Variants in MAP1B observed in about 807,000 individuals in gnomAD.
The protein encoded by MAP1B is microtubule associated protein 1B, also known as microtubule-associated protein 1B.
Under a neutral mutation model 176.1 loss-of-function variants are expected in MAP1B, and 12 were observed. The observed-to-expected ratio is 0.07, with a 90% CI of 0.04 to 0.11. The LOEUF is 0.11. MAP1B is among the 10% of genes least tolerant of loss of function. MAP1B has a pLI of 1.00. For missense variants in MAP1B, 2,523 were observed against 2,990.5 expected, an observed-to-expected ratio of 0.84 and a Z score of 3.65; for synonymous variants, 1,044 against 1,135.0, an observed-to-expected ratio of 0.92 and a Z score of 1.61.
At chr5:72,142,416 G>T (rs1400545335) in intron 2 of MAP1B, among the ~76,000 whole-genome samples, 1 of 152,198 alleles carries the variant, frequency 6.6e-6, no homozygotes, top group Non-Finnish European at 1.5e-5. Flanking sequence ...CCGCTATGTG[G>T]TTTAACACAG....
At chr5:72,141,640 C>T (rs1374954269) in intron 2 of MAP1B, among the ~76,000 whole-genome samples, 3 of 152,038 alleles carry the variant, frequency 2.0e-5, no homozygotes, top group African/African-American at 7.2e-5. Context: ...TGGACAATGC[C>T]CTAGAATGAC....
At chr5:72,193,133 A>C (rs1379163590) in intron 4 of MAP1B, 1 of 216,436 alleles carries the variant, frequency 4.6e-6, no homozygotes. Context: ...GTATCTGCAG[A>C]GAATATGCTG....
intron 2 of MAP1B, among the ~76,000 whole-genome samples, chr5:72,154,616 T>A (rs189337982): frequency 2.0e-5 from 3 of 152,194 alleles, no homozygotes; most frequent in Admixed American, 6.5e-5. Flanking sequence ...CAAACACAGG[T>A]CCCCTACCAG....
At chr5:72,184,474 A>G (rs1332396860) in intron 3 of MAP1B, among the ~76,000 whole-genome samples, 1 of 152,240 alleles carries the variant, frequency 6.6e-6, no homozygotes, top group Non-Finnish European at 1.5e-5. Context: ...TAGAAGTGCC[A>G]AGTGCTTAGA....
At chr5:72,115,969 G>A in intron 2 of MAP1B, 170 bp downstream of exon 2, 1 of 550,454 alleles carries the variant, frequency 1.8e-6, no homozygotes, top group Non-Finnish European at 3.3e-6. Context: ...GTCACTCTAG[G>A]TTATCACTGT....
Position 72,197,771 on chromosome 5 carries a change from T to C in MAP1B, c.4416T>C (p.Phe1472=), listed in dbSNP as rs1747220699. 1.2e-6 allele frequency: 2 copies of C among 1,614,180 alleles called. No individual in the cohort carries two copies. The highest frequency in any genetic ancestry group is 1.7e-6 in the Non-Finnish European group (2 of 1,180,028). ...ACTTTGCACCAATAAAAGAAGACTT[T>C]GGCCAAGAAAAGAAAACTGATGATG... ...STDFAPIKED[F]GQEKKTDDVE... The change falls in exon 5 of 7, where the codon TTT becomes TTC. Residue 1472 remains phenylalanine, a synonymous_variant. Coordinates refer to ENST00000296755, the MANE Select transcript of MAP1B (RefSeq NM_005909.5).
chr5:72,188,263 G>A lies in MAP1B; in HGVS notation c.510+1509G>A, dbSNP rs558690327. ...ATGTCCCCATGTGCATGTTGTACCC[G>A]GAGGCAGGTGGGCATTTGTCTAGTA... On this transcript the variant is annotated intron_variant, in intron 4 of 6. Coordinates refer to ENST00000296755, the MANE Select transcript of MAP1B (RefSeq NM_005909.5). Among the ~76,000 whole-genome samples, 30 of 152,318 alleles carry A rather than the reference G, an allele frequency of 2.0e-4. No homozygotes were observed. In the East Asian group the frequency reaches 5.2e-3, roughly 26 times the overall value.
At chr5:72,168,405 T>C (rs1377825743) in intron 2 of MAP1B, among the ~76,000 whole-genome samples, 1 of 152,250 alleles carries the variant, frequency 6.6e-6, no homozygotes, top group African/African-American at 2.4e-5. Context: ...CAATTTATAC[T>C]ATTTTATTTA....
At chr5:72,125,123 A>G (rs1336710797) in intron 2 of MAP1B, among the ~76,000 whole-genome samples, 1 of 152,156 alleles carries the variant, frequency 6.6e-6, no homozygotes, top group Non-Finnish European at 1.5e-5. Context: ...CCTCTTTTTA[A>G]TGGAGCTCGA....
chr5:72,116,238 C>G (rs985511337), intron 2 of MAP1B, among the ~76,000 whole-genome samples: 2 of 152,090 alleles, frequency 1.3e-5, no homozygotes, highest in Non-Finnish European at 2.9e-5. Context: ...ATTGGATGCT[C>G]CTAGGATCCC....
chr5:72,129,636 T>C (rs1745693645), intron 2 of MAP1B, among the ~76,000 whole-genome samples: 1 of 152,150 alleles, frequency 6.6e-6, no homozygotes, highest in African/African-American at 2.4e-5. Context: ...TCCGTTGTTT[T>C]CTCTTTGGTA....
intron 2 of MAP1B, among the ~76,000 whole-genome samples, chr5:72,181,695 C>A (rs572718864): frequency 2.7e-5 from 4 of 150,372 alleles, no homozygotes; most frequent in Non-Finnish European, 5.9e-5. Context: ...GTAGCTGGGA[C>A]CACAGATGTG....
Position 72,197,922 on chromosome 5 carries a change from G to C in MAP1B, c.4567G>C (p.Glu1523Gln), listed in dbSNP as rs200032099. 6.2e-7 allele frequency: 1 copy of C among 1,614,228 alleles called. No individual in the cohort carries two copies. The highest frequency in any genetic ancestry group is 8.5e-7 in the Non-Finnish European group (1 of 1,180,056). Residue 1523 changes from glutamate to glutamine, a missense_variant, in exon 5 of 7, where the codon GAA (glutamate) becomes CAA (glutamine). Transcript: ENST00000296755. ...FKEDTKMSIS[E>Q]GTVSDKSATP... Reference sequence around the variant, plus strand: ...AGAAGACACTAAGATGTCCATTTCTGAAGGTACTGTCTCAGACAAGTCAGC... The same window carrying C: ...AGAAGACACTAAGATGTCCATTTCTCAAGGTACTGTCTCAGACAAGTCAGC...
At chr5:72,108,208 C>T (rs1011351744) in intron 1 of MAP1B, among the ~76,000 whole-genome samples, 6 of 152,352 alleles carry the variant, frequency 3.9e-5, no homozygotes, top group African/African-American at 1.4e-4. Context: ...CCCTGAGAAA[C>T]GCCTTTTCTG....
chr5:72,131,104 T>G lies in MAP1B; in HGVS notation c.286+15305T>G, dbSNP rs1745724981. On this transcript the variant is annotated intron_variant, in intron 2 of 6. Coordinates refer to ENST00000296755, the MANE Select transcript of MAP1B (RefSeq NM_005909.5). ...ATACGGTCTCCCATGGAGCTCTCAG[T>G]CAAGGTGAGGAGACAGACATTGATG... Among the ~76,000 whole-genome samples the G allele has an allele frequency of 1.3e-5, 2 of 152,144 alleles. 1 individual carries two copies. The highest frequency in any genetic ancestry group is 1.3e-4 in the Admixed American group (2 of 15,270).
At chr5:72,168,307 TC>T (rs764707933) in intron 2 of MAP1B, among the ~76,000 whole-genome samples, 6 of 152,222 alleles carry the variant, frequency 3.9e-5, no homozygotes, top group Admixed American at 2.6e-4. Flanking sequence ...TCAGTTAAAC[TC>T]CAGAGCTCTG....
chr5:72,205,163 A>G lies in MAP1B; in HGVS notation c.7331A>G (p.Asn2444Ser), dbSNP rs375486557. The G allele has an allele frequency of 1.4e-5, 23 of 1,613,898 alleles. No homozygotes were observed. The African/African-American group carries it at 1.7e-4, about 12-fold the overall frequency. The change falls in exon 7 of 7, where the codon AAC becomes AGC. Residue 2444 changes from asparagine to serine, a missense_variant. Around this residue, in one of 4 missense-constraint regions of MAP1B, gnomAD observed 287 missense variants for 401.5 expected, o/e 0.71. Coordinates refer to ENST00000296755, the MANE Select transcript of MAP1B (RefSeq NM_005909.5). ...ACCCATGAGAAACAGCAAGATCTCA[A>G]CATCATGGTTTTAGCAAGCAGCAGC... ...QETHEKQQDL[N>S]IMVLASSSTV...
At position 72,154,241 on chromosome 5, in the gene MAP1B, T is replaced by A. The variant is rs75858350; in HGVS notation, c.287-29502T>A. Among the ~76,000 whole-genome samples the A allele has an allele frequency of 4.0e-3, 602 of 152,284 alleles. 4 individuals carry two copies. The highest frequency in any genetic ancestry group is 0.014 in the African/African-American group (574 of 41,550). ...GTATCTGAAGTGTTCCCAGAGGGAA[T>A]AGGATTTAGGGCCAAGGAATTAGGA... On this transcript the variant is annotated intron_variant, in intron 2 of 6. Coordinates refer to ENST00000296755, the MANE Select transcript of MAP1B (RefSeq NM_005909.5).
intron 2 of MAP1B, among the ~76,000 whole-genome samples, chr5:72,116,955 A>G (rs1459970594): frequency 6.6e-6 from 1 of 152,126 alleles, no homozygotes; most frequent in Non-Finnish European, 1.5e-5. Context: ...TAATATGCCC[A>G]TAGGACTGTC....
Sources: gnomAD v4.1 joint callset for allele counts (sites outside exome capture counted in the v4.1 genomes callset) on GRCh38, gnomAD v4.1.1 for gene constraint, gnomAD v4.1.1 regional missense constraint, MANE v1.5 for transcripts, NCBI Gene and HGNC (gene_info 2026-07-23, HGNC 2026-07-21) for gene names.